Variants in RBKS observed in about 807,000 individuals in gnomAD.
RBKS encodes ribokinase.
RBKS carries 33 observed loss-of-function variants against 33.9 expected under a neutral mutation model. The ratio of observed to expected loss-of-function variants is 0.97; its 90% CI spans 0.74 to 1.30. The LOEUF (loss-of-function observed/expected upper bound fraction) is 1.30. Ranked by LOEUF, RBKS falls within the 50% of genes most tolerant of loss-of-function variation. RBKS has a pLI of 0.00. For missense variants in RBKS, 361 were observed against 392.6 expected, an observed-to-expected ratio of 0.92 and a Z score of 0.68; for synonymous variants, 125 against 143.0, an observed-to-expected ratio of 0.87 and a Z score of 0.90.
chr2:27,854,503 T>A (rs753567692), intron 2 of RBKS, among the ~76,000 whole-genome samples: 20 of 152,224 alleles, frequency 1.3e-4, no homozygotes, highest in Admixed American at 2.0e-4. Flanking sequence ...TCACTGCTCA[T>A]TAGCACAAGA....
At chr2:27,793,723 T>C (rs1677582025) in intron 7 of RBKS, among the ~76,000 whole-genome samples, 1 of 152,224 alleles carries the variant, frequency 6.6e-6, no homozygotes, top group South Asian at 2.1e-4. Context: ...GGACTGTACA[T>C]ATAAGATTAT....
intron 7 of RBKS, among the ~76,000 whole-genome samples, chr2:27,818,407 C>G (rs903628499): frequency 1.3e-5 from 2 of 152,186 alleles, no homozygotes; most frequent in African/African-American, 4.8e-5. Context: ...AGAGTGAAGA[C>G]TAGGCAGACT....
At chr2:27,782,231 A>G (rs1677302501) in intron 7 of RBKS, among the ~76,000 whole-genome samples, 1 of 151,796 alleles carries the variant, frequency 6.6e-6, no homozygotes, top group Admixed American at 6.6e-5. Flanking sequence ...GCACAATCAT[A>G]GCTCACTGCA....
At chr2:27,885,253 A>G (rs748413945) in intron 1 of RBKS, among the ~76,000 whole-genome samples, 1 of 152,188 alleles carries the variant, frequency 6.6e-6, no homozygotes, top group Non-Finnish European at 1.5e-5. Context: ...CTTTCAAGCT[A>G]CCATCATTTC....
At chr2:27,789,949 GTATATATA>G (rs35109548) in intron 7 of RBKS, among the ~76,000 whole-genome samples, 11 of 121,512 alleles carry the variant, frequency 9.1e-5, no homozygotes, top group African/African-American at 6.6e-5. Context: ...ATGTATATGT[GTATATATA>G]TATATATATA....
chr2:27,838,416 TA>T (rs1663358713), intron 5 of RBKS, among the ~76,000 whole-genome samples: 3 of 152,196 alleles, frequency 2.0e-5, no homozygotes, highest in Non-Finnish European at 4.4e-5. Flanking sequence ...AAAATTACAT[TA>T]AAATTTAGGT....
intron 2 of RBKS, among the ~76,000 whole-genome samples, chr2:27,852,437 G>A (rs956940115): frequency 1.3e-5 from 2 of 152,184 alleles, no homozygotes; most frequent in Admixed American, 6.5e-5. Flanking sequence ...GGGGACTGAG[G>A]TGCTTCCTTC....
intron 5 of RBKS, among the ~76,000 whole-genome samples, chr2:27,838,027 C>G (rs951780602): frequency 6.6e-6 from 1 of 151,948 alleles, no homozygotes; most frequent in African/African-American, 2.4e-5. Flanking sequence ...TGGTGAAGCC[C>G]CATCTCTATT....
At chr2:27,846,993 G>T in intron 4 of RBKS, 49 bp downstream of exon 4, 1 of 1,315,112 alleles carries the variant, frequency 7.6e-7, no homozygotes, top group Non-Finnish European at 1.1e-6. Flanking sequence ...ATCTAACTCT[G>T]GAAATACACT....
intron 7 of RBKS, among the ~76,000 whole-genome samples, chr2:27,799,300 C>A (rs1284187763): frequency 1.3e-5 from 2 of 152,192 alleles, no homozygotes; most frequent in Non-Finnish European, 2.9e-5. Flanking sequence ...AGATTCCAGA[C>A]AATCTTGCAA....
chr2:27,889,602 A>C (rs1406996395), intron 1 of RBKS, among the ~76,000 whole-genome samples: 1 of 152,206 alleles, frequency 6.6e-6, no homozygotes, highest in African/African-American at 2.4e-5. Flanking sequence ...TTCATTTGGC[A>C]TATTTTCTAT....
intron 1 of RBKS, among the ~76,000 whole-genome samples, chr2:27,876,370 A>G (rs1411045667): frequency 4.6e-5 from 7 of 152,220 alleles, no homozygotes; most frequent in African/African-American, 1.7e-4. Flanking sequence ...AAGTGAAGTA[A>G]GCCAGTTACA....
intron 7 of RBKS, among the ~76,000 whole-genome samples, chr2:27,819,416 G>A (rs1456063628): frequency 6.6e-6 from 1 of 152,120 alleles, no homozygotes; most frequent in African/African-American, 2.4e-5. Context: ...TGGGGGTTAA[G>A]GCTTCAACAT....
chr2:27,783,975 C>CT (rs1161206494), intron 7 of RBKS, among the ~76,000 whole-genome samples: 5,359 of 55,344 alleles, frequency 0.097, 2,342 homozygotes, highest in Non-Finnish European at 0.14. Flanking sequence ...GGGTCATTTT[C>CT]TTTTTTTTTT....
At chr2:27,866,704 T>C (rs1411521226) in intron 1 of RBKS, among the ~76,000 whole-genome samples, 1 of 152,232 alleles carries the variant, frequency 6.6e-6, no homozygotes, top group Non-Finnish European at 1.5e-5. Flanking sequence ...AGATATTGCA[T>C]TTTTCATTTT....
intron 2 of RBKS, among the ~76,000 whole-genome samples, chr2:27,858,137 T>A (rs1254457464): frequency 6.6e-6 from 1 of 152,320 alleles, no homozygotes; most frequent in Non-Finnish European, 1.5e-5. Flanking sequence ...ATTCCATTTA[T>A]ATGAAATGTC....
At position 27,781,528 on chromosome 2, in the gene RBKS, G is replaced by C. The variant is rs1432132536; in HGVS notation, c.*87C>G. On this transcript the variant is annotated 3_prime_UTR_variant, in exon 8 of 8. Transcript: ENST00000302188. Reference sequence around the variant, plus strand: ...TAATATTTGCAAAGAAAGGGGACGAGGACATTTTCTAATAAGCATTAGCCA... The same window carrying C: ...TAATATTTGCAAAGAAAGGGGACGACGACATTTTCTAATAAGCATTAGCCA... 4 of 1,044,486 alleles carry C rather than the reference G, an allele frequency of 3.8e-6. No individual in the cohort carries two copies. The highest frequency in any genetic ancestry group is 5.5e-6 in the Non-Finnish European group (4 of 726,424). The allele number at this position is 1,044,486 out of a possible 1,614,324, so 64.7% of individuals were successfully genotyped here.
intron 5 of RBKS, 64 bp downstream of exon 5, chr2:27,843,003 G>A (rs892381327): frequency 1.6e-6 from 2 of 1,273,172 alleles, no homozygotes; most frequent in African/African-American, 3.0e-5. Context: ...AACTTAAAAG[G>A]TTAACTTTAA....
intron 7 of RBKS, among the ~76,000 whole-genome samples, chr2:27,806,719 A>G (rs1414527385): frequency 1.3e-5 from 2 of 152,242 alleles, no homozygotes; most frequent in African/African-American, 2.4e-5. Context: ...AATCTGTAGC[A>G]TATCTTTGAA....
Sources: allele counts gnomAD v4.1 joint callset (sites outside exome capture counted in the v4.1 genomes callset), GRCh38; gene constraint gnomAD v4.1.1; transcripts MANE v1.5; gene names NCBI Gene and HGNC (gene_info 2026-07-23, HGNC 2026-07-21).